The following KIAA0319 variants were observed in gnomAD, a reference collection of about 807,000 sequenced individuals.
KIAA0319 encodes KIAA0319, also known as dyslexia-associated protein KIAA0319.
In KIAA0319, 83 loss-of-function variants were observed where a neutral mutation model predicts 108.4. The observed-to-expected ratio is 0.77, with a 90% CI of 0.64 to 0.92. The LOEUF (loss-of-function observed/expected upper bound fraction) is 0.92, where lower values mean the gene tolerates loss of function less well. KIAA0319 is among the 40% of genes least tolerant of loss of function. The pLI is 0.00. For missense variants in KIAA0319, 1,195 were observed against 1,322.4 expected, an observed-to-expected ratio of 0.90 and a Z score of 1.49; for synonymous variants, 484 against 510.4, an observed-to-expected ratio of 0.95 and a Z score of 0.70.
chr6:24,573,699 A>C lies in KIAA0319; in HGVS notation c.1735-1001T>G, dbSNP rs1052144239. The stretch of plus-strand genomic sequence containing the variant: ...CTGATAAAAGTAATTATTTCCAATA[A>C]GGACACTTGGATGACAGTGGTGATC... On this transcript the variant is annotated intron_variant, in intron 10 of 20. Coordinates refer to ENST00000378214, the MANE Select transcript of KIAA0319 (RefSeq NM_014809.4). 6.6e-5 allele frequency among the ~76,000 whole-genome samples: 10 copies of C among 152,396 alleles called. No homozygotes were observed. In the East Asian group the frequency reaches 1.9e-3, roughly 29 times the overall value.
chr6:24,584,297 T>G (rs1028433943), intron 4 of KIAA0319, among the ~76,000 whole-genome samples: 1 of 152,136 alleles, frequency 6.6e-6, no homozygotes, highest in African/African-American at 2.4e-5. Context: ...AGAACAATAC[T>G]TGTTTACTTT....
chr6:24,598,377 G>T, intron 2 of KIAA0319: 1 of 634,914 alleles, frequency 1.6e-6, no homozygotes. Context: ...TGGAGCAGCA[G>T]AACAAGGTGC....
At chr6:24,619,688 A>G (rs1211075904) in intron 1 of KIAA0319, among the ~76,000 whole-genome samples, 1 of 152,176 alleles carries the variant, frequency 6.6e-6, no homozygotes, top group Non-Finnish European at 1.5e-5. Context: ...TTGAGTAGAA[A>G]GAGTGAAAAT....
chr6:24,582,662 A>G (rs1380875055), intron 5 of KIAA0319, among the ~76,000 whole-genome samples: 1 of 151,122 alleles, frequency 6.6e-6, no homozygotes, highest in Non-Finnish European at 1.5e-5. Flanking sequence ...ATAAAGTTAA[A>G]AAAAAAAAAA....
chr6:24,559,467 G>A (rs1489981479), intron 16 of KIAA0319, among the ~76,000 whole-genome samples: 1 of 152,174 alleles, frequency 6.6e-6, no homozygotes, highest in African/African-American at 2.4e-5. Context: ...GAACAAGAAT[G>A]CATCTATGTG....
downstream of KIAA0319, among the ~76,000 whole-genome samples, chr6:24,540,946 TGTGA>T (rs956968215): frequency 4.4e-4 from 43 of 97,808 alleles, no homozygotes; most frequent in African/African-American, 1.2e-3. Flanking sequence ...CTCATTTGTA[TGTGA>T]GTGTTTGTAC....
At chr6:24,577,261 T>C (rs1003651645) in intron 9 of KIAA0319, among the ~76,000 whole-genome samples, 1 of 152,208 alleles carries the variant, frequency 6.6e-6, no homozygotes, top group Non-Finnish European at 1.5e-5. Flanking sequence ...AGGTTTAAGT[T>C]CTGCCTGCAG....
At chr6:24,558,882 A>C in intron 17 of KIAA0319, 131 bp downstream of exon 17, 1 of 910,298 alleles carries the variant, frequency 1.1e-6, no homozygotes, top group Non-Finnish European at 1.6e-6. Flanking sequence ...ACTCTATTGG[A>C]GAAATAAATG....
rs144920873 is a variant in KIAA0319, at chr6:24,565,672, G to A, written c.2292+925C>T. ...GGAGGCTGAGGCAGGAGAATAGCTCGAACTCGGGCAGCGGAGGTTGCAGTG... is the reference window on the plus strand; with the variant it reads ...GGAGGCTGAGGCAGGAGAATAGCTCAAACTCGGGCAGCGGAGGTTGCAGTG... On this transcript the variant is annotated intron_variant, in intron 14 of 20. Coordinates refer to ENST00000378214, the MANE Select transcript of KIAA0319 (RefSeq NM_014809.4). 6.5e-4 allele frequency among the ~76,000 whole-genome samples: 93 copies of A among 143,248 alleles called. 1 individual carries two copies. In the East Asian group the frequency reaches 7.8e-3, roughly 12 times the overall value. 94.0% of individuals were successfully genotyped at this position (143,248 alleles called of 152,430 possible). A position where few individuals can be genotyped will look rare whatever the true frequency, so the allele number is the denominator to read the frequency against.
At position 24,596,197 on chromosome 6, in the gene KIAA0319, G is replaced by C; in HGVS notation, c.477C>G (p.Asp159Glu). ...AGAGGTCCTTCTCCAGCTCCCGGTAGTCATCTGAGTACTCAGACATCTCCT... is the reference window on the plus strand; with the variant it reads ...AGAGGTCCTTCTCCAGCTCCCGGTACTCATCTGAGTACTCAGACATCTCCT... ...GLEEMSEYSD[D>E]YRELEKDLLQ... Residue 159 changes from aspartate to glutamate, a missense_variant, in exon 3 of 21, where the codon GAC becomes GAG. Coordinates refer to ENST00000378214, the MANE Select transcript of KIAA0319 (RefSeq NM_014809.4). The C allele has an allele frequency of 1.9e-6, 3 of 1,614,160 alleles. No homozygotes were observed. In the South Asian group the frequency reaches 3.3e-5, roughly 18 times the overall value.
chr6:24,583,648 T>A lies in KIAA0319; in HGVS notation c.1049A>T (p.Asn350Ile), dbSNP rs1345641805. ...GDNLIITLPD[N>I]EVELKAFVAP... is the part of the protein sequence containing the mutation. ...AACAAAGGCCTTCAGTTCAACTTCA[T>A]TGTCGGGTAAAGTTATAATTAGGTT... Residue 350 changes from asparagine to isoleucine, a missense_variant, in exon 5 of 21, where the codon AAT becomes ATT. Transcript: ENST00000378214. The A allele has an allele frequency of 1.2e-6, 2 of 1,613,866 alleles. No individual in the cohort carries two copies. Among genetic ancestry groups the A allele is most frequent in the African/African-American group, 1.3e-5 (1 of 74,940 alleles).
rs777674164 is a variant in KIAA0319 at position 24,599,872 on chromosome 6, T to C, written c.55+1177A>G. The C allele has an allele frequency of 1.3e-5, 5 of 375,872 alleles. No individual in the cohort carries two copies. The highest frequency in any genetic ancestry group is 2.0e-5 in the Non-Finnish European group (4 of 199,622). The allele number at this position is 375,872 out of a possible 1,614,324, so 23.3% of individuals were successfully genotyped here. On this transcript the variant is annotated intron_variant, in intron 2 of 20. Coordinates refer to ENST00000378214, the MANE Select transcript of KIAA0319 (RefSeq NM_014809.4). The surrounding 1 kb of genome is among the most constrained non-coding windows in gnomAD (Gnocchi z 4.1). ...GGGGAGGCCACTGTGCAGGGGAGCA[T>C]AGGGAACAGGAGACCCACCTGAGGC...
chr6:24,609,273 CAAAAAAAAA>C (rs886616830), intron 1 of KIAA0319, among the ~76,000 whole-genome samples: 1 of 74,840 alleles, frequency 1.3e-5, no homozygotes, highest in Non-Finnish European at 2.8e-5. Flanking sequence ...GTCTCAAAAA[CAAAAAAAAA>C]AAAAAAAGAA....
rs768334155 is a variant in KIAA0319 at position 24,596,382 on chromosome 6, A to C, written c.292T>G (p.Ser98Ala). The change falls in exon 3 of 21, where the codon TCT becomes GCT. Residue 98 changes from serine (S) to alanine (A), a missense_variant. Coordinates refer to ENST00000378214, the MANE Select transcript of KIAA0319 (RefSeq NM_014809.4). ...GGCCGGAGCACAAAAGTGAGATAAG[A>C]CCTGATGGGGCCCATCTTCTTGGGC... Reference protein sequence around the residue: ...CEPKKMGPIRSYLTFVLRPVQ... With the variant: ...CEPKKMGPIRAYLTFVLRPVQ... 1 of 1,614,008 alleles carries C rather than the reference A, an allele frequency of 6.2e-7. No homozygotes were observed. Among genetic ancestry groups the C allele is most frequent in the Non-Finnish European group, 8.5e-7 (1 of 1,180,014 alleles).
intron 3 of KIAA0319, among the ~76,000 whole-genome samples, chr6:24,594,617 ACT>A (rs1185173902): frequency 7.7e-6 from 1 of 129,526 alleles, no homozygotes; most frequent in African/African-American, 2.7e-5. Context: ...ACAGAGCAAG[ACT>A]CTGTCTCACA....
chr6:24,624,544 CAGA>C (rs1412404391), intron 1 of KIAA0319, among the ~76,000 whole-genome samples: 1 of 151,872 alleles, frequency 6.6e-6, no homozygotes, highest in Non-Finnish European at 1.5e-5. Context: ...AAGTGTAATG[CAGA>C]AGAAGGAAAA....
intron 2 of KIAA0319, chr6:24,600,578 T>C (rs1770473059): frequency 9.7e-7 from 1 of 1,036,178 alleles, no homozygotes; most frequent in African/African-American, 1.6e-5. Flanking sequence ...CATAACAGTT[T>C]TTCTAGTCAT....
intron 9 of KIAA0319, 128 bp from the exon 10 acceptor site, chr6:24,576,724 C>A (rs1469778213): frequency 1.4e-6 from 1 of 720,278 alleles, no homozygotes; most frequent in Non-Finnish European, 2.4e-6. Flanking sequence ...GTTCTGAGAC[C>A]AGCTGGGCCA....
chr6:24,579,445 A>C (rs1271525162), intron 8 of KIAA0319, among the ~76,000 whole-genome samples: 2 of 125,352 alleles, frequency 1.6e-5, no homozygotes, highest in East Asian at 4.3e-4. Flanking sequence ...TATATATCTC[A>C]TATATATCTT....
Sources: allele counts gnomAD v4.1 joint callset (sites outside exome capture counted in the v4.1 genomes callset), GRCh38; gene constraint gnomAD v4.1.1; non-coding constraint Gnocchi (gnomAD v3.1); transcripts MANE v1.5; gene names NCBI Gene and HGNC (gene_info 2026-07-23, HGNC 2026-07-21).